PCDHA4: variants seen among roughly 807,000 people sequenced by gnomAD.
The protein encoded by PCDHA4 is protocadherin alpha 4, also known as protocadherin alpha-4.
In PCDHA4, 49 loss-of-function variants were observed where a neutral mutation model predicts 61.4. The ratio of observed to expected loss-of-function variants is 0.80; its 90% CI spans 0.63 to 1.01. The LOEUF (loss-of-function observed/expected upper bound fraction) is 1.01, where lower values mean the gene tolerates loss of function less well. Ranked by LOEUF, PCDHA4 falls within the 50% of genes least tolerant of loss-of-function variation. PCDHA4 has a pLI of 0.00. For missense variants in PCDHA4, 1,254 were observed against 1,235.8 expected (o/e 1.01, Z -0.22); for synonymous variants, 590 against 550.3 (o/e 1.07, Z -1.01).
chr5:140,809,132 G>T lies in PCDHA4; in HGVS notation c.1945G>T (p.Val649Leu). Residue 649 changes from valine (V) to leucine (L), a missense_variant, in exon 1 of 4, where the codon GTA becomes TTA. Val to Leu is a conservative substitution (Grantham distance 32). Coordinates refer to ENST00000530339, the MANE Select transcript of PCDHA4 (RefSeq NM_018907.4). ...GGACGCTCCGCGCCACCGCCTACTG[G>T]TACTGGTGAAGGACCACGGCGAGCC... is the stretch of plus-strand genomic sequence containing the variant. ...ETDAPRHRLLVLVKDHGEPAL... is the reference protein window; with the variant it reads ...ETDAPRHRLLLLVKDHGEPAL... 1 of 1,614,020 alleles carries T rather than the reference G, an allele frequency of 6.2e-7. No individual in the cohort carries two copies. The highest frequency in any genetic ancestry group is 8.5e-7 in the Non-Finnish European group (1 of 1,179,946).
chr5:140,811,770 A>T (rs1456844883), intron 1 of PCDHA4: 1 of 152,036 alleles, frequency 6.6e-6, no homozygotes, highest in Non-Finnish European at 1.5e-5. Flanking sequence ...GCATTTTTTC[A>T]TGTGTCTGTT....
intron 1 of PCDHA4, chr5:140,858,898 G>A (rs1260279768): frequency 4.9e-6 from 1 of 204,806 alleles, no homozygotes; most frequent in East Asian, 1.4e-4. Context: ...AATATGTGTA[G>A]CGTACCACAG....
chr5:140,835,736 C>A lies in PCDHA4; in HGVS notation c.2385+26164C>A, dbSNP rs2150243450. 6.2e-6 allele frequency: 10 copies of A among 1,613,590 alleles called. No individual in the cohort carries two copies. The African/African-American group carries it at 1.1e-4, about 17-fold the overall frequency. ...TGGAGGTGGCCGACGTGAACGACAA[C>A]GCCCCGGCGTTCGCGCAGCCCGAGT... is the stretch of plus-strand genomic sequence containing the variant. On this transcript the variant is annotated intron_variant, in intron 1 of 3. Transcript: ENST00000530339.
At chr5:140,899,423 G>A (rs2067323431) in intron 1 of PCDHA4, among the ~76,000 whole-genome samples, 1 of 152,134 alleles carries the variant, frequency 6.6e-6, no homozygotes. Context: ...TTTGTCAAAG[G>A]TCTTTTCTGC....
chr5:140,828,034 A>T, intron 1 of PCDHA4: 1 of 1,527,332 alleles, frequency 6.5e-7, no homozygotes, highest in Middle Eastern at 1.8e-4. Flanking sequence ...CGGAACATAC[A>T]GTATTTTATC....
chr5:140,923,155 A>G (rs1316496589), intron 1 of PCDHA4, among the ~76,000 whole-genome samples: 4 of 152,236 alleles, frequency 2.6e-5, no homozygotes, highest in Non-Finnish European at 5.9e-5. Context: ...AAAAAATTAT[A>G]GAAAGATAAA....
intron 1 of PCDHA4, among the ~76,000 whole-genome samples, chr5:140,944,308 C>T (rs1385219466): frequency 6.6e-6 from 1 of 152,138 alleles, no homozygotes; most frequent in Non-Finnish European, 1.5e-5. Context: ...CTACCTCAGC[C>T]TCCTGAGTAG....
At chr5:140,971,096 A>G (rs1240805149) in intron 1 of PCDHA4, among the ~76,000 whole-genome samples, 1 of 152,180 alleles carries the variant, frequency 6.6e-6, no homozygotes, top group African/African-American at 2.4e-5. Context: ...ATTCTTGTGA[A>G]GCCCTTTGGG....
chr5:140,854,721 T>C (rs941408696), intron 1 of PCDHA4: 9 of 149,956 alleles, frequency 6.0e-5, no homozygotes, highest in Non-Finnish European at 1.2e-4. Flanking sequence ...GACAGAAAAC[T>C]CAAGTTTTTT....
intron 1 of PCDHA4, 108 bp downstream of exon 1, chr5:140,809,680 C>CTTTT: frequency 7.5e-7 from 1 of 1,338,360 alleles, no homozygotes; most frequent in African/African-American, 1.5e-5. Flanking sequence ...AATTTTACCT[C>CTTTT]TTTTTACATA....
chr5:140,873,412 T>C (rs2054273798), intron 1 of PCDHA4, among the ~76,000 whole-genome samples: 1 of 152,210 alleles, frequency 6.6e-6, no homozygotes, highest in Non-Finnish European at 1.5e-5. Context: ...GGTTAAAATT[T>C]TGTAAATTAT....
intron 1 of PCDHA4, among the ~76,000 whole-genome samples, chr5:140,915,100 CACA>C (rs2076984171): frequency 6.6e-6 from 1 of 151,988 alleles, no homozygotes; most frequent in African/African-American, 2.4e-5. Context: ...CACGCACCAC[CACA>C]ACACCCACCT....
At chr5:141,006,035 G>T (rs529655038) in intron 3 of PCDHA4, among the ~76,000 whole-genome samples, 7 of 151,222 alleles carry the variant, frequency 4.6e-5, no homozygotes, top group Admixed American at 2.0e-4. Flanking sequence ...GTAAGAGGGA[G>T]ATTTGTAGAT....
At chr5:141,000,419 ATATTTTTTT>A (rs2097927194) in intron 3 of PCDHA4, among the ~76,000 whole-genome samples, 6 of 60,996 alleles carry the variant, frequency 9.8e-5, no homozygotes, top group Non-Finnish European at 1.1e-4. Flanking sequence ...ATATATATAT[ATATTTTTTT>A]TTTTTTTTTT....
At chr5:140,979,563 C>T (rs1480899524) in intron 2 of PCDHA4, among the ~76,000 whole-genome samples, 1 of 152,174 alleles carries the variant, frequency 6.6e-6, no homozygotes, top group African/African-American at 2.4e-5. Context: ...GAAGATGAGC[C>T]ATGTAAAGGG....
At chr5:140,855,286 A>G (rs1387384974) in intron 1 of PCDHA4, among the ~76,000 whole-genome samples, 2 of 149,848 alleles carry the variant, frequency 1.3e-5, no homozygotes, top group Non-Finnish European at 3.0e-5. Flanking sequence ...CCGTATTACT[A>G]TTAGGCCAAA....
chr5:140,876,732 C>T, intron 1 of PCDHA4: 1 of 1,614,246 alleles, frequency 6.2e-7, no homozygotes, highest in South Asian at 1.1e-5. Context: ...GCGTGTCGGC[C>T]TATGAGCTGG....
intron 1 of PCDHA4, chr5:140,841,598 G>A (rs2150318945): frequency 8.1e-6 from 13 of 1,614,142 alleles, no homozygotes; most frequent in Admixed American, 6.7e-5. Context: ...GATCGACCGC[G>A]AGGAGCTGTG....
At chr5:140,911,338 A>G (rs1562979911) in intron 1 of PCDHA4, among the ~76,000 whole-genome samples, 1 of 152,040 alleles carries the variant, frequency 6.6e-6, no homozygotes, top group African/African-American at 2.4e-5. Context: ...TTTTCCAATC[A>G]ATGCCCTCAT....
Sources: gnomAD v4.1 joint callset for allele counts (sites outside exome capture counted in the v4.1 genomes callset) on GRCh38, gnomAD v4.1.1 for gene constraint, MANE v1.5 for transcripts, NCBI Gene and HGNC (gene_info 2026-07-23, HGNC 2026-07-21) for gene names.